Variants in PLEC observed in about 807,000 individuals in gnomAD.
PLEC encodes hemidesmosomal protein 1.
Under a neutral mutation model 392.8 loss-of-function variants are expected in PLEC, and 216 were observed. The observed-to-expected ratio is 0.55, with a 90% CI of 0.49 to 0.62. The LOEUF (loss-of-function observed/expected upper bound fraction) is 0.62, where lower values mean the gene tolerates loss of function less well. Ranked by LOEUF, PLEC falls within the 20% of genes least tolerant of loss-of-function variation. PLEC has a pLI of 0.00. For synonymous variants in PLEC, 3,621 were observed against 2,980.6 expected (o/e 1.21, Z -7.00); for missense variants, 6,863 against 6,563.4 (o/e 1.05, Z -1.58).
intron 1 of PLEC, among the ~76,000 whole-genome samples, chr8:143,959,788 A>G (rs1832782538): frequency 6.9e-6 from 1 of 144,974 alleles, no homozygotes; most frequent in African/African-American, 2.6e-5. Flanking sequence ...CGAGGTCAGG[A>G]GATTGAGACC....
upstream of PLEC, among the ~76,000 whole-genome samples, chr8:143,940,193 G>A: frequency 6.6e-6 from 1 of 152,194 alleles, no homozygotes; most frequent in East Asian, 1.9e-4. Context: ...CCCAGGCCTG[G>A]CCCCTCCCAA....
rs1040961384 is a variant in PLEC at position 143,929,926 on chromosome 8, G to A, written c.2739+10C>T. 3 of 1,608,588 alleles carry A rather than the reference G, an allele frequency of 1.9e-6. No individual in the cohort carries two copies. The highest frequency in any genetic ancestry group is 1.1e-5 in the South Asian group (1 of 90,960). ...CACCCAGAGAGCCCCCGGCTCGGGG[G>A]CAGGCGTACCGTGGCCAGGGACCAG... On this transcript the variant is annotated intron_variant, in intron 22 of 31. Transcript: ENST00000345136.
At chr8:143,976,526 G>C (rs1554746078), upstream of PLEC, among the ~76,000 whole-genome samples, 1 of 151,984 alleles carries the variant, frequency 6.6e-6, no homozygotes, top group Admixed American at 6.5e-5. Context: ...GGCACCGCCC[G>C]TCCAGTTCCG....
upstream of PLEC, chr8:143,944,103 C>T (rs1197036493): frequency 1.1e-5 from 7 of 640,406 alleles, no homozygotes; most frequent in South Asian, 2.0e-5. Flanking sequence ...CGGCCCTCGG[C>T]GCCTCCCCAC....
upstream of PLEC, among the ~76,000 whole-genome samples, chr8:143,958,116 T>C (rs1286388062): frequency 1.3e-5 from 2 of 152,156 alleles, no homozygotes; most frequent in African/African-American, 4.8e-5. The surrounding 1 kb of genome is among the most constrained non-coding windows in gnomAD (Gnocchi z 4.9). Context: ...GGCTTCTGCC[T>C]CGCAGCCTTG....
In PLEC at chr8:143,969,594, T is replaced by C. The variant is rs1554743513; in HGVS notation, c.70+3809A>G. On this transcript the variant is annotated intron_variant, in intron 1 of 31. Coordinates refer to the PLEC transcript ENST00000356346. The surrounding 1 kb of genome is among the most constrained non-coding windows in gnomAD (Gnocchi z 5.1). ...GGGCGGGGACAGTTCTAGGAGAGAGTTGTGGCAATGCAGGTGAGTGGAGGT... is the reference window on the plus strand; with the variant it reads ...GGGCGGGGACAGTTCTAGGAGAGAGCTGTGGCAATGCAGGTGAGTGGAGGT... 1.3e-5 allele frequency among the ~76,000 whole-genome samples: 2 copies of C among 150,586 alleles called. No homozygotes were observed. Among genetic ancestry groups the C allele is most frequent in the African/African-American group, 4.9e-5 (2 of 40,840 alleles).
At chr8:143,943,278 G>A (rs1361565482), upstream of PLEC, among the ~76,000 whole-genome samples, 1 of 152,156 alleles carries the variant, frequency 6.6e-6, no homozygotes, top group Non-Finnish European at 1.5e-5. Flanking sequence ...TGCTGGGCAC[G>A]GTTGCCACCT....
chr8:143,919,300 G>A lies in PLEC; in HGVS notation c.10521C>T (p.Asp3507=), dbSNP rs201905804. The change falls in exon 32 of 32, where the codon GAC becomes GAT. Residue 3507 remains aspartate (D), a synonymous_variant. Coordinates refer to ENST00000345136, the MANE Select transcript of PLEC (RefSeq NM_201384.3). ...TGGGGTCAAAGAAGCCCTTGGTGTC[G>A]TCGCTGGGGTCCGCCAGGACGCGGT... is the stretch of plus-strand genomic sequence containing the variant. The part of the protein sequence containing the change: ...EMNRVLADPS[D]DTKGFFDPNT... 264 of 1,614,016 alleles carry A rather than the reference G, an allele frequency of 1.6e-4. No homozygotes were observed. The highest frequency in any genetic ancestry group is 1.1e-3 in the East Asian group (49 of 44,868).
chr8:143,947,790 CACA>C (rs1831674461), intron 1 of PLEC, among the ~76,000 whole-genome samples: 1 of 152,128 alleles, frequency 6.6e-6, no homozygotes, highest in Non-Finnish European at 1.5e-5. Context: ...AAATGAAACT[CACA>C]TATAAAAACA....
chr8:143,971,373 G>A (rs994102999), intron 1 of PLEC, among the ~76,000 whole-genome samples: 3 of 152,060 alleles, frequency 2.0e-5, no homozygotes, highest in South Asian at 2.1e-4. Context: ...ACAGGGGCCC[G>A]CAGCTGCTTA....
intron 1 of PLEC, among the ~76,000 whole-genome samples, chr8:143,965,170 C>T (rs1371679927): frequency 2.0e-5 from 3 of 152,070 alleles, no homozygotes; most frequent in Non-Finnish European, 4.4e-5. Context: ...CTGGGTCTGC[C>T]GCTACTCCTG....
In PLEC at chr8:143,932,784, G is replaced by A. The variant is rs371976170; in HGVS notation, c.1737+9C>T. On this transcript the variant is annotated intron_variant, in intron 14 of 31. Transcript: ENST00000345136. ...ACCCCCGCACTGCCCATCGCTCAGC[G>A]CCACCCACCTCGTCACTCCGTGCCC... The A allele has an allele frequency of 2.5e-5, 41 of 1,611,594 alleles. No homozygotes were observed. The highest frequency in any genetic ancestry group is 1.6e-4 in the Middle Eastern group (1 of 6,080).
At chr8:143,963,867 C>T (rs1345526204) in intron 1 of PLEC, among the ~76,000 whole-genome samples, 1 of 142,816 alleles carries the variant, frequency 7.0e-6, no homozygotes, top group Non-Finnish European at 1.5e-5. Context: ...GGCTGGAGTG[C>T]ATTGGTGCAG....
chr8:143,961,360 G>T (rs1832864695), intron 1 of PLEC, among the ~76,000 whole-genome samples: 2 of 152,052 alleles, frequency 1.3e-5, no homozygotes, highest in African/African-American at 2.4e-5. Flanking sequence ...TGCGTAGCGG[G>T]GATTACAGGC....
At position 143,935,876 on chromosome 8, in the gene PLEC, G is replaced by A; in HGVS notation, c.574C>T (p.Leu192Phe). Reference protein sequence around the residue: ...NFTSSWRDGRLFNAIIHRHKP... With the variant: ...NFTSSWRDGRFFNAIIHRHKP... ...TGCCGGTGGATGATGGCATTGAAGA[G>A]GCGGCCGTCTCTCCAGCTGGAGGTG... Residue 192 changes from leucine (L) to phenylalanine (F), a missense_variant, in exon 6 of 32, where the codon CTC (leucine) becomes TTC (phenylalanine). Coordinates refer to ENST00000345136, the MANE Select transcript of PLEC (RefSeq NM_201384.3). The A allele has an allele frequency of 2.5e-6, 4 of 1,612,924 alleles. No individual in the cohort carries two copies. Among genetic ancestry groups the A allele is most frequent in the Non-Finnish European group, 2.5e-6 (3 of 1,179,962 alleles).
upstream of PLEC, chr8:143,958,544 C>A: frequency 2.6e-6 from 1 of 381,780 alleles, no homozygotes; most frequent in South Asian, 1.8e-5. This position sits in a 1 kb window ranked among gnomAD's most constrained non-coding sequence, Gnocchi z 4.9. Context: ...CTGGCCTGGC[C>A]ACCACCCTTT....
chr8:143,920,650 C>T lies in PLEC; in HGVS notation c.9171G>A (p.Leu3057=). Residue 3057 remains leucine, a synonymous_variant, in exon 32 of 32, where the codon CTG becomes CTA. Coordinates refer to ENST00000345136, the MANE Select transcript of PLEC (RefSeq NM_201384.3). ...GCCCGGTGCCGGCCTGGGCTTCCAACAGGGCCACGGCCATGTCGGATGGCA... is the reference window on the plus strand; with the variant it reads ...GCCCGGTGCCGGCCTGGGCTTCCAATAGGGCCACGGCCATGTCGGATGGCA... ...DLLPSDMAVA[L]LEAQAGTGHI... 6.2e-6 allele frequency: 10 copies of T among 1,604,920 alleles called. No individual in the cohort carries two copies. Among genetic ancestry groups the T allele is most frequent in the East Asian group, 2.2e-5 (1 of 44,880 alleles).
chr8:143,957,069 G>A (rs782332521), upstream of PLEC, among the ~76,000 whole-genome samples: 6 of 152,158 alleles, frequency 3.9e-5, no homozygotes, highest in Admixed American at 2.0e-4. Flanking sequence ...CAGCCGGGAG[G>A]GGGGCGCCTG....
In PLEC at chr8:143,919,436, A is replaced by G; in HGVS notation, c.10385T>C (p.Ile3462Thr). ...QKGLVLRQHG[I>T]RLLEAQIATG... ...GGCGATCTGGGCCTCCAGCAGGCGGATGCCGTGCTGCCGGAGAACCAGGCC... is the reference window on the plus strand; with the variant it reads ...GGCGATCTGGGCCTCCAGCAGGCGGGTGCCGTGCTGCCGGAGAACCAGGCC... Residue 3462 changes from isoleucine (I) to threonine (T), a missense_variant, in exon 32 of 32, where the codon ATC (isoleucine) becomes ACC (threonine). Coordinates refer to ENST00000345136, the MANE Select transcript of PLEC (RefSeq NM_201384.3). The G allele has an allele frequency of 6.2e-7, 1 of 1,613,270 alleles. No homozygotes were observed. Among genetic ancestry groups the G allele is most frequent in the Non-Finnish European group, 8.5e-7 (1 of 1,179,834 alleles).
Sources: gnomAD v4.1 joint callset for allele counts (sites outside exome capture counted in the v4.1 genomes callset) on GRCh38, gnomAD v4.1.1 for gene constraint, Gnocchi (gnomAD v3.1) non-coding constraint, MANE v1.5 for transcripts, NCBI Gene and HGNC (gene_info 2026-07-23, HGNC 2026-07-21) for gene names.